CLSTN1: variants seen among roughly 807,000 people sequenced by gnomAD.
CLSTN1 encodes the protein calsyntenin-1.
Under a neutral mutation model 108.3 loss-of-function variants are expected in CLSTN1, and 28 were observed. That is an observed-to-expected ratio of 0.26 (90% CI 0.19 to 0.35). The LOEUF is 0.35. Ranked by LOEUF, CLSTN1 falls within the 10% of genes least tolerant of loss-of-function variation. CLSTN1 has a pLI of 1.00. For synonymous variants in CLSTN1, 524 were observed against 534.9 expected (o/e 0.98, Z 0.28); for missense variants, 1,157 against 1,302.6 (o/e 0.89, Z 1.72).
Position 9,734,247 on chromosome 1 carries a change from C to A in CLSTN1, c.2111-105G>T. 1 of 1,137,558 alleles carries A rather than the reference C, an allele frequency of 8.8e-7. No individual in the cohort carries two copies. Among genetic ancestry groups the A allele is most frequent in the Non-Finnish European group, 1.3e-6 (1 of 785,594 alleles). 70.5% of individuals were successfully genotyped at this position (1,137,558 alleles called of 1,614,324 possible). On this transcript the variant is annotated intron_variant, in intron 14 of 18. Transcript: ENST00000377298. This position sits in a 1 kb window ranked among gnomAD's most constrained non-coding sequence, Gnocchi z 4.8. The stretch of plus-strand genomic sequence containing the variant: ...GCTCACCCCAAACCTACATGGCTCT[C>A]GTAAGGACCAACGACAGAAGCAAGC...
rs1340362394 is a variant in CLSTN1 at position 9,731,226 on chromosome 1, T to C, written c.2728A>G (p.Ile910Val). The change falls in exon 18 of 19, where the codon ATC becomes GTC. Residue 910 changes from isoleucine (I) to valine (V), a missense_variant. Ile to Val is a conservative substitution (Grantham distance 29, BLOSUM62 3). Coordinates refer to ENST00000377298, the MANE Select transcript of CLSTN1 (RefSeq NM_001009566.3). ...EMDWDDSALT[I>V]TVNPMETYED... ...CCTACCTCCATGGGGTTGACGGTGATGGTCAGGGCAGAGTCGTCCCAGTCC... is the reference window on the plus strand; with the variant it reads ...CCTACCTCCATGGGGTTGACGGTGACGGTCAGGGCAGAGTCGTCCCAGTCC... 6.2e-7 allele frequency: 1 copy of C among 1,614,192 alleles called. No individual in the cohort carries two copies. Among genetic ancestry groups the C allele is most frequent in the Non-Finnish European group, 8.5e-7 (1 of 1,180,034 alleles).
At chr1:9,766,174 A>G (rs899570035) in intron 2 of CLSTN1, among the ~76,000 whole-genome samples, 7 of 152,172 alleles carry the variant, frequency 4.6e-5, no homozygotes, top group African/African-American at 1.7e-4. Context: ...TAAAACATCC[A>G]TACTTAATCT....
At chr1:9,745,351 G>GT (rs1186887011) in intron 7 of CLSTN1, among the ~76,000 whole-genome samples, 3 of 151,838 alleles carry the variant, frequency 2.0e-5, no homozygotes, top group Non-Finnish European at 4.4e-5. Flanking sequence ...AAAATGATGC[G>GT]TTTTCTTAGA....
chr1:9,778,684 C>G (rs755758669), intron 1 of CLSTN1, among the ~76,000 whole-genome samples: 2 of 152,028 alleles, frequency 1.3e-5, no homozygotes, highest in East Asian at 1.9e-4. Context: ...CTTCTCCCCC[C>G]GTCCATAGGC....
intron 1 of CLSTN1, among the ~76,000 whole-genome samples, chr1:9,812,473 A>G (rs965754093): frequency 6.6e-6 from 1 of 152,182 alleles, no homozygotes; most frequent in African/African-American, 2.4e-5. Context: ...ATACTCTGTC[A>G]TCTAGTTTTA....
intron 2 of CLSTN1, among the ~76,000 whole-genome samples, chr1:9,771,530 C>T (rs1416346371): frequency 6.6e-6 from 1 of 152,140 alleles, no homozygotes; most frequent in Non-Finnish European, 1.5e-5. Context: ...AGGAGAACTG[C>T]TTGAACCCGG....
intron 1 of CLSTN1, among the ~76,000 whole-genome samples, chr1:9,790,611 AT>A (rs1308732602): frequency 6.6e-6 from 1 of 151,386 alleles, no homozygotes. Flanking sequence ...TCTTTTGAAA[AT>A]TCTGAAAATT....
chr1:9,805,683 A>G (rs1654474180), intron 1 of CLSTN1, among the ~76,000 whole-genome samples: 1 of 152,022 alleles, frequency 6.6e-6, no homozygotes, highest in African/African-American at 2.4e-5. Flanking sequence ...CCTGGCCAAC[A>G]TGGTGAAACC....
chr1:9,748,090 C>G (rs1411151929), intron 7 of CLSTN1, among the ~76,000 whole-genome samples: 1 of 151,662 alleles, frequency 6.6e-6, no homozygotes, highest in Non-Finnish European at 1.5e-5. Flanking sequence ...TGGTTGTTAT[C>G]AGGCTAGTGA....
At chr1:9,762,294 CTACTAAAAA>C (rs1248846069) in intron 2 of CLSTN1, among the ~76,000 whole-genome samples, 3 of 152,042 alleles carry the variant, frequency 2.0e-5, no homozygotes, top group Non-Finnish European at 4.4e-5. Context: ...AAACCCGTCT[CTACTAAAAA>C]TACAAAAATT....
intron 4 of CLSTN1, among the ~76,000 whole-genome samples, chr1:9,754,045 A>C (rs948146661): frequency 6.9e-6 from 1 of 145,912 alleles, no homozygotes; most frequent in Non-Finnish European, 1.5e-5. Flanking sequence ...AGGCTCAAGC[A>C]ATCTTCCCAC....
At chr1:9,750,264 A>T (rs1393231613) in intron 5 of CLSTN1, 4 of 193,350 alleles carry the variant, frequency 2.1e-5, no homozygotes, top group African/African-American at 7.1e-5. Context: ...AAGATCGCTG[A>T]TCAAACATTT....
At chr1:9,731,166 T>C in intron 18 of CLSTN1, 40 bp downstream of exon 18, 2 of 1,612,536 alleles carry the variant, frequency 1.2e-6, no homozygotes, top group Non-Finnish European at 1.7e-6. Context: ...CCCTGGCCTG[T>C]GCTGCCTCTC....
chr1:9,767,308 C>T (rs1379886546), intron 2 of CLSTN1, among the ~76,000 whole-genome samples: 14 of 152,092 alleles, frequency 9.2e-5, no homozygotes, highest in African/African-American at 3.1e-4. Context: ...TTTGGGAGGC[C>T]GAGGCGGGCA....
At chr1:9,739,582 G>T (rs573155946) in intron 10 of CLSTN1, among the ~76,000 whole-genome samples, 12 of 152,248 alleles carry the variant, frequency 7.9e-5, no homozygotes, top group African/African-American at 2.9e-4. Flanking sequence ...AGTGGCTCAT[G>T]CCTGTAATCC....
chr1:9,740,996 G>C, intron 10 of CLSTN1, 98 bp downstream of exon 10: 1 of 1,321,630 alleles, frequency 7.6e-7, no homozygotes, highest in Non-Finnish European at 1.1e-6. Context: ...GGACACGAGG[G>C]TAAGGCTGTA....
At chr1:9,809,646 T>C (rs890744127) in intron 1 of CLSTN1, among the ~76,000 whole-genome samples, 4 of 152,056 alleles carry the variant, frequency 2.6e-5, no homozygotes, top group African/African-American at 7.2e-5. Flanking sequence ...CTCACGTCTG[T>C]AATCTTAGCA....
At chr1:9,814,281 GT>G (rs1654886285) in intron 1 of CLSTN1, among the ~76,000 whole-genome samples, 1 of 151,034 alleles carries the variant, frequency 6.6e-6, no homozygotes, top group Non-Finnish European at 1.5e-5. Context: ...GCATGGTGGT[GT>G]GTGTCTGTAG....
At chr1:9,812,215 C>A (rs1212527718) in intron 1 of CLSTN1, among the ~76,000 whole-genome samples, 1 of 152,186 alleles carries the variant, frequency 6.6e-6, no homozygotes, top group Non-Finnish European at 1.5e-5. Context: ...CCCTAGTCTT[C>A]TGTGAGCCTC....
Sources: gnomAD v4.1 joint callset for allele counts (sites outside exome capture counted in the v4.1 genomes callset) on GRCh38, gnomAD v4.1.1 for gene constraint, Gnocchi (gnomAD v3.1) non-coding constraint, MANE v1.5 for transcripts, NCBI Gene and HGNC (gene_info 2026-07-23, HGNC 2026-07-21) for gene names.